Variants in WNT11 observed in about 807,000 individuals in gnomAD.
WNT11 encodes the protein Wnt family member 11, also known as protein Wnt-11.
Under a neutral mutation model 35.6 loss-of-function variants are expected in WNT11, and 20 were observed. That is an observed-to-expected ratio of 0.56 (90% CI 0.40 to 0.82). The LOEUF (loss-of-function observed/expected upper bound fraction) is 0.82. Among genes scored for constraint, WNT11 ranks in the 40% least tolerant of loss-of-function variants. The probability of loss-of-function intolerance (pLI) is 0.00; values close to 1 mark genes in which losing one functional copy is unlikely to be tolerated. For missense variants in WNT11, 459 were observed against 504.4 expected (o/e 0.91, Z 0.86); for synonymous variants, 200 against 211.9 (o/e 0.94, Z 0.49).
intron 4 of WNT11, among the ~76,000 whole-genome samples, chr11:76,190,022 GGA>G (rs1226357528): frequency 1.3e-5 from 2 of 151,444 alleles, no homozygotes; most frequent in African/African-American, 4.9e-5. Context: ...GGGGCAGCTG[GGA>G]GAGAGGGGCC....
At chr11:76,191,912 C>T in intron 3 of WNT11, 56 bp from the exon 4 acceptor site, 1 of 1,540,460 alleles carries the variant, frequency 6.5e-7, no homozygotes, top group Non-Finnish European at 8.7e-7. Context: ...CTGGCCTGAC[C>T]CGGGACCCCA....
Position 76,196,509 on chromosome 11 carries a change from G to A in WNT11, c.293C>T (p.Pro98Leu). The change falls in exon 2 of 5, where the codon CCC (proline) becomes CTC (leucine). Residue 98 changes from proline (P) to leucine (L), a missense_variant. Physicochemically the swap from Pro to Leu is moderately conservative, Grantham distance 98 (BLOSUM62 -3). Coordinates refer to ENST00000322563, the MANE Select transcript of WNT11 (RefSeq NM_004626.3). ...RWNCSSIELA[P>L]NYLLDLERGT... is the part of the protein sequence containing the mutation. The stretch of plus-strand genomic sequence containing the variant: ...TCTCTCCAGGTCAAGCAAATAGTTG[G>A]GGGCGAGCTCAATGGAGGAGCAGTT... The A allele has an allele frequency of 6.2e-7, 1 of 1,613,454 alleles. No homozygotes were observed. Among genetic ancestry groups the A allele is most frequent in the South Asian group, 1.1e-5 (1 of 91,086 alleles).
intron 1 of WNT11, among the ~76,000 whole-genome samples, chr11:76,205,999 A>G (rs1953466148): frequency 6.6e-6 from 1 of 152,088 alleles, no homozygotes; most frequent in South Asian, 2.1e-4. Context: ...GCCGCTCTGG[A>G]TTGCGCCCCC....
intron 4 of WNT11, among the ~76,000 whole-genome samples, chr11:76,188,354 G>A (rs983433532): frequency 4.6e-5 from 7 of 152,262 alleles, no homozygotes; most frequent in African/African-American, 1.7e-4. Flanking sequence ...CCTAAAGGGT[G>A]GGGCATGGGA....
chr11:76,204,905 C>T (rs1195326267), intron 1 of WNT11, among the ~76,000 whole-genome samples: 2 of 152,186 alleles, frequency 1.3e-5, no homozygotes, highest in Admixed American at 6.5e-5. Flanking sequence ...TTCAGCCAAT[C>T]CTCTCCTTCC....
intron 4 of WNT11, among the ~76,000 whole-genome samples, chr11:76,187,582 C>G (rs960015357): frequency 1.1e-3 from 161 of 150,764 alleles, no homozygotes; most frequent in African/African-American, 3.9e-3. Flanking sequence ...AGGCCCCCGG[C>G]TCAAGTGCTC....
At chr11:76,196,153 T>C (rs1953282236) in intron 2 of WNT11, among the ~76,000 whole-genome samples, 1 of 152,256 alleles carries the variant, frequency 6.6e-6, no homozygotes, top group Non-Finnish European at 1.5e-5. Flanking sequence ...CCCTGACATG[T>C]GGCCTCACGT....
At chr11:76,187,288 C>CGAG in intron 4 of WNT11, 49 bp from the exon 5 acceptor site, 3 of 1,556,248 alleles carry the variant, frequency 1.9e-6, no homozygotes, top group Admixed American at 1.7e-5. Flanking sequence ...GTCACCACCC[C>CGAG]ACCAACACCC....
At chr11:76,197,246 C>T (rs1953303380) in intron 1 of WNT11, among the ~76,000 whole-genome samples, 1 of 152,186 alleles carries the variant, frequency 6.6e-6, no homozygotes, top group Admixed American at 6.5e-5. Flanking sequence ...GATTACTAAA[C>T]CCATTTATTA....
intron 4 of WNT11, 29 bp downstream of exon 4, chr11:76,191,535 T>C: frequency 6.3e-7 from 1 of 1,598,270 alleles, no homozygotes; most frequent in Non-Finnish European, 8.5e-7. Context: ...CCAGTGACCC[T>C]TTCCCACCAA....
chr11:76,205,237 T>A (rs1953453206), intron 1 of WNT11, among the ~76,000 whole-genome samples: 2 of 152,166 alleles, frequency 1.3e-5, no homozygotes, highest in African/African-American at 4.8e-5. Flanking sequence ...GCAGCCACTA[T>A]CACCCTGTCT....
chr11:76,204,328 A>G (rs1193539926), intron 1 of WNT11, among the ~76,000 whole-genome samples: 10 of 152,226 alleles, frequency 6.6e-5, no homozygotes, highest in Non-Finnish European at 1.3e-4. Context: ...TCTAACTTAC[A>G]TGACCCAAGC....
At chr11:76,206,627 G>T (rs2272041), upstream of WNT11, 340,310 of 997,994 alleles carry the variant, frequency 0.34, 59,655 homozygotes, top group East Asian at 0.6. Flanking sequence ...CTCCCGCTCC[G>T]CCCGGCCGGG....
At chr11:76,187,334 A>C (rs1953113248) in intron 4 of WNT11, 95 bp from the exon 5 acceptor site, 3 of 1,234,434 alleles carry the variant, frequency 2.4e-6, no homozygotes, top group Non-Finnish European at 3.2e-6. Context: ...AGCGTCTCCC[A>C]TGGCCACCGA....
At chr11:76,200,990 T>C (rs1345389160) in intron 1 of WNT11, among the ~76,000 whole-genome samples, 3 of 152,184 alleles carry the variant, frequency 2.0e-5, no homozygotes, top group Admixed American at 6.5e-5. Context: ...AGACAGCTTG[T>C]GAGTGCTGGG....
At position 76,200,848 on chromosome 11, in the gene WNT11, C is replaced by T. The variant is rs76869183; in HGVS notation, c.84-4130G>A. Among the ~76,000 whole-genome samples the T allele has an allele frequency of 3.8e-3, 577 of 152,392 alleles. 4 individuals are homozygous for T. Among genetic ancestry groups the T allele is most frequent in the African/African-American group, 0.013 (552 of 41,594 alleles). On this transcript the variant is annotated intron_variant, in intron 1 of 4. Coordinates refer to ENST00000322563, the MANE Select transcript of WNT11 (RefSeq NM_004626.3). ...GGGCGACAGCACATCAGCGCATGGC[C>T]TAGCAGCAGGCTCATGGCACATGGT...
At chr11:76,201,449 G>A (rs2134595791) in intron 1 of WNT11, among the ~76,000 whole-genome samples, 1 of 152,340 alleles carries the variant, frequency 6.6e-6, no homozygotes, top group South Asian at 2.1e-4. Flanking sequence ...GGATTAGGAT[G>A]GGAGGTGGGG....
chr11:76,196,775 C>T (rs1022902569), intron 1 of WNT11, 57 bp from the exon 2 acceptor site: 10 of 1,509,306 alleles, frequency 6.6e-6, no homozygotes, highest in African/African-American at 1.4e-5. Context: ...TGTCAGGGGC[C>T]ACATGGCCTC....
chr11:76,210,664 A>G, upstream of WNT11: 1 of 985,150 alleles, frequency 1.0e-6, no homozygotes, highest in Non-Finnish European at 1.2e-6. Flanking sequence ...ACCCGCGCGG[A>G]GTCAGGCGCG....
Sources: allele counts gnomAD v4.1 joint callset (sites outside exome capture counted in the v4.1 genomes callset), GRCh38; gene constraint gnomAD v4.1.1; transcripts MANE v1.5; gene names NCBI Gene and HGNC (gene_info 2026-07-23, HGNC 2026-07-21).